GHR: variants seen among roughly 807,000 people sequenced by gnomAD.
The protein encoded by GHR is growth hormone receptor, also known as GH receptor.
A neutral mutation model predicts 67.1 loss-of-function variants in GHR; 35 were observed. That is an observed-to-expected ratio of 0.52 (90% CI 0.40 to 0.69). GHR has a LOEUF of 0.69. Among genes scored for constraint, GHR ranks in the 30% least tolerant of loss-of-function variants. The pLI is 0.00. For synonymous variants in GHR, 272 were observed against 269.1 expected, an observed-to-expected ratio of 1.01 and a Z score of -0.10; for missense variants, 792 against 764.6, an observed-to-expected ratio of 1.04 and a Z score of -0.42.
intron 3 of GHR, among the ~76,000 whole-genome samples, chr5:42,634,938 T>C (rs1377761542): frequency 1.3e-5 from 2 of 151,552 alleles, no homozygotes; most frequent in Non-Finnish European, 2.9e-5. Context: ...AAGTATAACA[T>C]AAGGGAAATG....
chr5:42,470,236 A>G (rs1561322695), intron 1 of GHR, among the ~76,000 whole-genome samples: 1 of 147,950 alleles, frequency 6.8e-6, no homozygotes, highest in African/African-American at 2.5e-5. Context: ...ATATATCATT[A>G]TATAATGTAT....
intron 1 of GHR, among the ~76,000 whole-genome samples, chr5:42,553,768 A>G (rs1749161021): frequency 6.6e-6 from 1 of 152,196 alleles, no homozygotes; most frequent in Non-Finnish European, 1.5e-5. Flanking sequence ...AACACTTTGA[A>G]ATATTGTCGT....
intron 3 of GHR, among the ~76,000 whole-genome samples, chr5:42,657,276 A>C (rs1032858773): frequency 6.6e-6 from 1 of 152,172 alleles, no homozygotes; most frequent in Non-Finnish European, 1.5e-5. Context: ...TTTTCTTCAT[A>C]TCTAAAATGA....
chr5:42,711,350 G>C lies in GHR; in HGVS notation c.762G>C (p.Met254Ile). The change falls in exon 7 of 10, where the codon ATG becomes ATC. Residue 254 changes from methionine to isoleucine, a missense_variant. By Grantham distance (10) the Met-to-Ile change is conservative. Coordinates refer to ENST00000230882, the MANE Select transcript of GHR (RefSeq NM_000163.5). ...SEVLYVTLPQ[M>I]SQFTCEEDFY... ...TGCTCTATGTAACACTTCCTCAGAT[G>C]AGCCAATTTACATGTGAAGAAGGTA... The C allele has an allele frequency of 6.2e-7, 1 of 1,612,474 alleles. No homozygotes were observed. Among genetic ancestry groups the C allele is most frequent in the Non-Finnish European group, 8.5e-7 (1 of 1,178,532 alleles).
chr5:42,554,419 C>T (rs959795917), intron 1 of GHR, among the ~76,000 whole-genome samples: 18 of 152,174 alleles, frequency 1.2e-4, no homozygotes, highest in African/African-American at 2.6e-4. Flanking sequence ...AGTGTTGAGA[C>T]GATCTGGAAC....
intron 1 of GHR, among the ~76,000 whole-genome samples, chr5:42,529,230 C>T (rs1747848256): frequency 6.6e-6 from 1 of 152,076 alleles, no homozygotes; most frequent in South Asian, 2.1e-4. Flanking sequence ...CCAGGATGGT[C>T]TTCATCTCCT....
At chr5:42,463,523 G>GA (rs1579744429) in intron 1 of GHR, among the ~76,000 whole-genome samples, 2 of 152,112 alleles carry the variant, frequency 1.3e-5, no homozygotes, top group East Asian at 1.9e-4. Flanking sequence ...ATGACAATGG[G>GA]AAAATCAAAT....
At chr5:42,697,167 T>C (rs1382531985) in intron 5 of GHR, among the ~76,000 whole-genome samples, 1 of 152,176 alleles carries the variant, frequency 6.6e-6, no homozygotes, top group Non-Finnish European at 1.5e-5. Flanking sequence ...AAGTTGTCAA[T>C]CATTATAAGC....
chr5:42,698,743 A>C (rs1029185626), intron 5 of GHR, among the ~76,000 whole-genome samples: 2 of 152,180 alleles, frequency 1.3e-5, no homozygotes, highest in Non-Finnish European at 2.9e-5. Context: ...ACACTCTGCA[A>C]CACTCTAGGT....
chr5:42,542,883 G>A (rs573023835), intron 1 of GHR, among the ~76,000 whole-genome samples: 2 of 152,140 alleles, frequency 1.3e-5, no homozygotes, highest in South Asian at 4.1e-4. Flanking sequence ...GAACTTCATG[G>A]TATTTGGTTT....
At chr5:42,505,432 G>A (rs1746730278) in intron 1 of GHR, among the ~76,000 whole-genome samples, 1 of 151,150 alleles carries the variant, frequency 6.6e-6, no homozygotes, top group South Asian at 2.1e-4. Context: ...ACAATGCCCA[G>A]CCCTGTGCCA....
intron 2 of GHR, among the ~76,000 whole-genome samples, chr5:42,613,733 A>T (rs1201641998): frequency 6.6e-6 from 1 of 152,112 alleles, no homozygotes; most frequent in African/African-American, 2.4e-5. Context: ...TGTTAAGGTA[A>T]TCCTTTTTTC....
intron 3 of GHR, among the ~76,000 whole-genome samples, chr5:42,669,227 G>A (rs1162505378): frequency 6.6e-6 from 1 of 152,146 alleles, no homozygotes; most frequent in African/African-American, 2.4e-5. Flanking sequence ...AAGAATGAAT[G>A]AATATTAACT....
Position 42,718,846 on chromosome 5 carries a change from A to G in GHR, c.1339A>G (p.Ser447Gly), listed in dbSNP as rs759752784. The part of the protein sequence containing the change: ...HDACPATQQP[S>G]VIQAEKNKPQ... ...TGCTTGCCCTGCTACTCAGCAGCCCAGTGTTATCCAAGCAGAGAAAAACAA... is the reference window on the plus strand; with the variant it reads ...TGCTTGCCCTGCTACTCAGCAGCCCGGTGTTATCCAAGCAGAGAAAAACAA... The change falls in exon 10 of 10, where the codon AGT (serine) becomes GGT (glycine). Residue 447 changes from serine (S) to glycine (G), a missense_variant. By Grantham distance (56) the Ser-to-Gly change is moderately conservative. Coordinates refer to ENST00000230882, the MANE Select transcript of GHR (RefSeq NM_000163.5). The G allele has an allele frequency of 2.5e-6, 4 of 1,613,970 alleles. No homozygotes were observed. Among genetic ancestry groups the G allele is most frequent in the Admixed American group, 3.3e-5 (2 of 59,986 alleles).
intron 1 of GHR, among the ~76,000 whole-genome samples, chr5:42,428,517 T>G (rs1742951395): frequency 6.6e-6 from 1 of 152,210 alleles, no homozygotes; most frequent in South Asian, 2.1e-4. Flanking sequence ...GCAGCAGTCT[T>G]GAATTTCTCC....
chr5:42,489,468 TTAAA>T (rs1372210325), intron 1 of GHR, among the ~76,000 whole-genome samples: 2 of 152,166 alleles, frequency 1.3e-5, no homozygotes, highest in Non-Finnish European at 2.9e-5. Flanking sequence ...TTTCTAAGTG[TTAAA>T]TAAAACACAT....
At chr5:42,601,100 T>C (rs575793273) in intron 2 of GHR, among the ~76,000 whole-genome samples, 71 of 151,912 alleles carry the variant, frequency 4.7e-4, no homozygotes, top group Non-Finnish European at 9.6e-4. Flanking sequence ...CTAATTTTTG[T>C]GTTTTTAGTA....
Position 42,424,552 on chromosome 5 carries a change from G to A in GHR, c.-12+597G>A. The A allele has an allele frequency of 1.3e-6, 2 of 1,531,646 alleles. No individual in the cohort carries two copies. Among genetic ancestry groups the A allele is most frequent in the South Asian group, 1.2e-5 (1 of 83,964 alleles). 94.9% of individuals were successfully genotyped at this position (1,531,646 alleles called of 1,614,324 possible). A position where few individuals can be genotyped will look rare whatever the true frequency, so the allele number is the denominator to read the frequency against. On this transcript the variant is annotated intron_variant, in intron 1 of 9. Transcript: ENST00000230882. This position sits in a 1 kb window ranked among gnomAD's most constrained non-coding sequence, Gnocchi z 4.1. ...GCCGCAGCCGCACGTTGGCACCGAT[G>A]GAACTGGGGTCAGTAGAGTGACAGC... is the stretch of plus-strand genomic sequence containing the variant.
rs902017401 is a variant in GHR, at chr5:42,574,688, GA to G, written c.70+8751del. Among the ~76,000 whole-genome samples the G allele has an allele frequency of 3.3e-5, 5 of 151,992 alleles. No individual in the cohort carries two copies. The South Asian group carries it at 1.0e-3, about 31-fold the overall frequency. On this transcript the variant is annotated intron_variant, in intron 2 of 9. Coordinates refer to ENST00000230882, the MANE Select transcript of GHR (RefSeq NM_000163.5). Reference sequence around the variant, plus strand: ...TTGGGTCAAAAAACTCACTTTAAGGGAAAAAAATGGAAGAATATTAATAACC... The same window carrying G: ...TTGGGTCAAAAAACTCACTTTAAGGGAAAAAATGGAAGAATATTAATAACC...
Sources: gnomAD v4.1 joint callset for allele counts (sites outside exome capture counted in the v4.1 genomes callset) on GRCh38, gnomAD v4.1.1 for gene constraint, Gnocchi (gnomAD v3.1) non-coding constraint, MANE v1.5 for transcripts, NCBI Gene and HGNC (gene_info 2026-07-23, HGNC 2026-07-21) for gene names.